Variants in VAV3 observed in about 807,000 individuals in gnomAD.
VAV3 encodes guanine nucleotide exchange factor VAV3.
A neutral mutation model predicts 131.2 loss-of-function variants in VAV3; 94 were observed. The ratio of observed to expected loss-of-function variants is 0.72; its 90% CI spans 0.61 to 0.85. The LOEUF (loss-of-function observed/expected upper bound fraction) is 0.85, where lower values mean the gene tolerates loss of function less well. VAV3 is among the 40% of genes least tolerant of loss of function. The pLI, the probability that VAV3 is intolerant of heterozygous loss-of-function variation, is 0.00. For missense variants in VAV3, 939 were observed against 1,002.7 expected (o/e 0.94, Z 0.86); for synonymous variants, 349 against 342.0 (o/e 1.02, Z -0.22).
chr1:107,591,937 CAA>C (rs766211249), intron 25 of VAV3, among the ~76,000 whole-genome samples: 3 of 152,018 alleles, frequency 2.0e-5, no homozygotes, highest in Non-Finnish European at 4.4e-5. Context: ...ATTTTTTAAT[CAA>C]GAGAATTTAT....
chr1:107,829,869 A>T (rs1668170852), intron 2 of VAV3, among the ~76,000 whole-genome samples: 1 of 152,194 alleles, frequency 6.6e-6, no homozygotes, highest in Non-Finnish European at 1.5e-5. Flanking sequence ...GGAGCCTTTC[A>T]TACATCCCTT....
intron 1 of VAV3, among the ~76,000 whole-genome samples, chr1:107,878,608 A>C (rs1030631667): frequency 6.6e-6 from 1 of 152,184 alleles, no homozygotes; most frequent in Non-Finnish European, 1.5e-5. Flanking sequence ...CTAGATTCAA[A>C]TTAAACAGTT....
intron 20 of VAV3, among the ~76,000 whole-genome samples, chr1:107,618,261 C>G (rs1178651704): frequency 6.6e-6 from 1 of 152,130 alleles, no homozygotes; most frequent in Non-Finnish European, 1.5e-5. Flanking sequence ...CTATCTTTCA[C>G]CTTTATATTC....
chr1:107,914,949 A>G (rs560490787), intron 1 of VAV3, among the ~76,000 whole-genome samples: 1 of 152,326 alleles, frequency 6.6e-6, no homozygotes, highest in East Asian at 1.9e-4. Context: ...TTTGAAAACT[A>G]AAGGGAAGAA....
chr1:107,647,942 T>C (rs185136440), intron 19 of VAV3, among the ~76,000 whole-genome samples: 69 of 152,162 alleles, frequency 4.5e-4, no homozygotes, highest in Non-Finnish European at 8.4e-4. Context: ...TCACAGCTTA[T>C]AGGGCTCTTT....
chr1:107,797,137 G>A lies in VAV3; in HGVS notation c.322-17645C>T, dbSNP rs572711154. Reference sequence around the variant, plus strand: ...TGTCAGGAATTCTACGTGAACCTGTGAGGTAGGAATTATGTCAATTTTATA... The same window carrying A: ...TGTCAGGAATTCTACGTGAACCTGTAAGGTAGGAATTATGTCAATTTTATA... On this transcript the variant is annotated intron_variant, in intron 2 of 26. Coordinates refer to ENST00000370056, the MANE Select transcript of VAV3 (RefSeq NM_006113.5). Among the ~76,000 whole-genome samples, 13 of 152,208 alleles carry A rather than the reference G, an allele frequency of 8.5e-5. No individual in the cohort carries two copies. In the East Asian group the frequency reaches 2.5e-3, roughly 29 times the overall value.
chr1:107,745,361 T>A (rs1663275619), intron 15 of VAV3, among the ~76,000 whole-genome samples: 1 of 151,526 alleles, frequency 6.6e-6, no homozygotes, highest in African/African-American at 2.4e-5. Flanking sequence ...CAAGAACATA[T>A]CAGTCCTGCT....
intron 4 of VAV3, among the ~76,000 whole-genome samples, chr1:107,776,700 C>T (rs1665378483): frequency 6.6e-6 from 1 of 152,188 alleles, no homozygotes; most frequent in Admixed American, 6.5e-5. Flanking sequence ...AACGATCACG[C>T]ATATATTTAT....
intron 19 of VAV3, among the ~76,000 whole-genome samples, chr1:107,651,065 C>G (rs980030588): frequency 1.3e-5 from 2 of 152,044 alleles, no homozygotes; most frequent in Non-Finnish European, 2.9e-5. Context: ...AATTCCTGCC[C>G]TTGTAAAAGA....
intron 2 of VAV3, among the ~76,000 whole-genome samples, chr1:107,782,442 T>C (rs1665744857): frequency 6.6e-6 from 1 of 152,206 alleles, no homozygotes; most frequent in African/African-American, 2.4e-5. Context: ...ATTGAATGTG[T>C]TTTATAAGGA....
chr1:107,841,763 GCTAGT>G (rs1668719691), intron 2 of VAV3, among the ~76,000 whole-genome samples: 1 of 152,088 alleles, frequency 6.6e-6, no homozygotes, highest in Non-Finnish European at 1.5e-5. Context: ...TTGAAATGAG[GCTAGT>G]CTAAATTGCT....
chr1:107,594,341 TTAATATA>T (rs1651199859), intron 25 of VAV3, among the ~76,000 whole-genome samples: 2 of 152,088 alleles, frequency 1.3e-5, no homozygotes, highest in Admixed American at 1.3e-4. Flanking sequence ...TGTTAGGTGT[TTAATATA>T]TATCTGTTTA....
intron 2 of VAV3, among the ~76,000 whole-genome samples, chr1:107,793,041 TTA>T (rs561563688): frequency 1.3e-5 from 2 of 152,158 alleles, no homozygotes; most frequent in African/African-American, 4.8e-5. Context: ...ATAAGTGTCA[TTA>T]TATGTTATAC....
intron 21 of VAV3, among the ~76,000 whole-genome samples, chr1:107,612,381 G>A (rs1652820701): frequency 6.6e-6 from 1 of 151,936 alleles, no homozygotes; most frequent in East Asian, 1.9e-4. Context: ...TATTCTTATT[G>A]TTTCAGATAT....
chr1:107,789,463 C>T (rs921247205), intron 2 of VAV3, among the ~76,000 whole-genome samples: 8 of 152,302 alleles, frequency 5.3e-5, no homozygotes, highest in East Asian at 3.9e-4. Flanking sequence ...CATCTGTAAA[C>T]GTTTCAAACC....
At chr1:107,794,780 A>G (rs557658184) in intron 2 of VAV3, among the ~76,000 whole-genome samples, 1 of 152,320 alleles carries the variant, frequency 6.6e-6, no homozygotes, top group African/African-American at 2.4e-5. Context: ...TGGTTAATCC[A>G]GGATAATTTG....
intron 2 of VAV3, among the ~76,000 whole-genome samples, chr1:107,856,743 A>G (rs1669487607): frequency 1.3e-5 from 2 of 152,176 alleles, no homozygotes; most frequent in Non-Finnish European, 1.5e-5. Flanking sequence ...GCAATTTCTA[A>G]GTATGAAGGA....
At chr1:107,752,695 G>C (rs971571854) in intron 12 of VAV3, among the ~76,000 whole-genome samples, 2 of 152,114 alleles carry the variant, frequency 1.3e-5, no homozygotes, top group African/African-American at 2.4e-5. Flanking sequence ...AACACACAAA[G>C]ACAATATTCA....
chr1:107,955,861 T>C (rs149724882), intron 1 of VAV3, among the ~76,000 whole-genome samples: 2 of 152,282 alleles, frequency 1.3e-5, no homozygotes, highest in African/African-American at 4.8e-5. Context: ...ACTAAAGTTA[T>C]AAGGAGGTTG....
Sources: gnomAD v4.1 joint callset for allele counts (sites outside exome capture counted in the v4.1 genomes callset) on GRCh38, gnomAD v4.1.1 for gene constraint, MANE v1.5 for transcripts, NCBI Gene and HGNC (gene_info 2026-07-23, HGNC 2026-07-21) for gene names.